The following LBHD2 variants were observed in gnomAD, a reference collection of about 807,000 sequenced individuals.
LBHD2 encodes the protein LBH domain-containing protein 2.
At chr14:103,089,279 G>C (rs1386283816) in intron 3 of LBHD2, among the ~76,000 whole-genome samples, 2 of 152,166 alleles carry the variant, frequency 1.3e-5, no homozygotes, top group East Asian at 3.9e-4. Flanking sequence ...ACCTCAGCCT[G>C]TACTGGCCAG....
chr14:103,088,320 G>C (rs1369686248), intron 3 of LBHD2, 79 bp downstream of exon 3: 1 of 398,220 alleles, frequency 2.5e-6, no homozygotes, highest in East Asian at 3.6e-5. Flanking sequence ...TGCTTCCTGC[G>C]GCTCCAGCAA....
Position 103,086,008 on chromosome 14 carries a change from G to C in LBHD2, c.-5G>C. 1 of 398,700 alleles carries C rather than the reference G, an allele frequency of 2.5e-6. No homozygotes were observed. Among genetic ancestry groups the C allele is most frequent in the Non-Finnish European group, 4.4e-6 (1 of 226,130 alleles). The allele number at this position is 398,700 out of a possible 1,614,324, so 24.7% of individuals were successfully genotyped here. On this transcript the variant is annotated 5_prime_UTR_variant, in exon 2 of 4. Transcript: ENST00000634353. ...GCAGCTTAGTGGCGCAGTGGCGGCA[G>C]CAGCATGAGCACCCCCCGGCCTGCT... is the stretch of plus-strand genomic sequence containing the variant.
rs530912298 is a variant in LBHD2 at position 103,088,078 on chromosome 14, C to T, written c.70-7C>T. 3 of 398,842 alleles carry T rather than the reference C, an allele frequency of 7.5e-6. No individual in the cohort carries two copies. In the East Asian group the frequency reaches 1.1e-4, roughly 14 times the overall value. 24.7% of individuals were successfully genotyped at this position (398,842 alleles called of 1,614,324 possible). On this transcript the variant is annotated splice_region_variant and splice_polypyrimidine_tract_variant and intron_variant, in intron 2 of 3. Coordinates refer to ENST00000634353, the MANE Select transcript of LBHD2 (RefSeq NM_001330236.2). ...CATGGCCATGATCCTGCCCATCCTC[C>T]TTGCAGGCTGTGGCAGGTGCCTGGG...
At chr14:103,086,185 C>G in intron 2 of LBHD2, 104 bp downstream of exon 2, 1 of 398,102 alleles carries the variant, frequency 2.5e-6, no homozygotes, top group Non-Finnish European at 4.4e-6. Context: ...GTTTACCCAT[C>G]TGGGTGGGGG....
chr14:103,088,696 T>C (rs552515352), intron 3 of LBHD2, among the ~76,000 whole-genome samples: 1 of 152,298 alleles, frequency 6.6e-6, no homozygotes, highest in South Asian at 2.1e-4. Context: ...GGTGCCCTGT[T>C]TAAAGGCTGA....
intron 1 of LBHD2, among the ~76,000 whole-genome samples, chr14:103,084,643 G>C (rs553831100): frequency 6.6e-6 from 1 of 152,108 alleles, no homozygotes; most frequent in Admixed American, 6.5e-5. Flanking sequence ...CCTGGCTCAA[G>C]CTGACAGCTC....
chr14:103,086,135 C>G (rs1260668659), intron 2 of LBHD2, 54 bp downstream of exon 2: 1 of 398,476 alleles, frequency 2.5e-6, no homozygotes, highest in Admixed American at 4.4e-5. Context: ...CAAACTCTGT[C>G]CCATGACTTG....
chr14:103,084,466 CCT>C (rs1253439552), intron 1 of LBHD2, 119 bp downstream of exon 1: 2 of 152,394 alleles, frequency 1.3e-5, no homozygotes, highest in Admixed American at 6.5e-5. Context: ...GAACGCCATG[CCT>C]CCGCGCGCTT....
rs1014957208 is a variant in LBHD2 at position 103,089,766 on chromosome 14, C to T, written c.296C>T (p.Ser99Phe). Residue 99 changes from serine to phenylalanine, a missense_variant, in exon 4 of 4, where the codon TCC (serine) becomes TTC (phenylalanine). Physicochemically the swap from Ser to Phe is radical, Grantham distance 155. Transcript: ENST00000634353. ...AACGCTGGCAGCGAGTGTGCCTGCT[C>T]CGAGGACCCAGCAGCCCCGGCCCGG... The part of the protein sequence containing the change: ...ADNAGSECAC[S>F]EDPAAPARG 5 of 398,558 alleles carry T rather than the reference C, an allele frequency of 1.3e-5. No homozygotes were observed. Among genetic ancestry groups the T allele is most frequent in the African/African-American group, 1.0e-4 (5 of 48,638 alleles). 24.7% of individuals were successfully genotyped at this position (398,558 alleles called of 1,614,324 possible). A position where few individuals can be genotyped will look rare whatever the true frequency, so the allele number is the denominator to read the frequency against.
intron 2 of LBHD2, among the ~76,000 whole-genome samples, chr14:103,086,994 G>A (rs529182962): frequency 2.0e-5 from 3 of 152,220 alleles, no homozygotes; most frequent in South Asian, 4.1e-4. Flanking sequence ...CTTGGTTGGG[G>A]GCAGGAAGGA....
chr14:103,089,535 C>T (rs1889682437), intron 3 of LBHD2, among the ~76,000 whole-genome samples, 162 bp from the exon 4 acceptor site: 1 of 152,216 alleles, frequency 6.6e-6, no homozygotes, highest in Non-Finnish European at 1.5e-5. Flanking sequence ...CAGCCTCATT[C>T]TGCCTCCCTG....
At chr14:103,086,540 A>T (rs1889636217) in intron 2 of LBHD2, among the ~76,000 whole-genome samples, 1 of 152,094 alleles carries the variant, frequency 6.6e-6, no homozygotes, top group East Asian at 1.9e-4. Flanking sequence ...TATAATGGAT[A>T]AAAAAAATTG....
rs866093942 is a variant in LBHD2, at chr14:103,089,879, G to C, written c.*82G>C. The C allele has an allele frequency of 1.3e-5, 5 of 397,870 alleles. No individual in the cohort carries two copies. The highest frequency in any genetic ancestry group is 4.4e-5 in the Admixed American group (1 of 22,698). 24.6% of individuals were successfully genotyped at this position (397,870 alleles called of 1,614,324 possible). ...GGCCGGGCTGATGCACAGGAGGGCCGGGCCTGCCCAGCCTGGAAAGCCCAG... is the reference window on the plus strand; with the variant it reads ...GGCCGGGCTGATGCACAGGAGGGCCCGGCCTGCCCAGCCTGGAAAGCCCAG... On this transcript the variant is annotated 3_prime_UTR_variant, in exon 4 of 4. Coordinates refer to ENST00000634353, the MANE Select transcript of LBHD2 (RefSeq NM_001330236.2).
chr14:103,087,511 C>G (rs939163197), intron 2 of LBHD2, among the ~76,000 whole-genome samples: 1 of 152,228 alleles, frequency 6.6e-6, no homozygotes, highest in Non-Finnish European at 1.5e-5. Context: ...GCCTCAAAGA[C>G]CTTGAACGGG....
At chr14:103,087,569 G>A (rs1238174157) in intron 2 of LBHD2, among the ~76,000 whole-genome samples, 4 of 152,164 alleles carry the variant, frequency 2.6e-5, no homozygotes, top group Non-Finnish European at 2.9e-5. Flanking sequence ...CGCAGCCCCC[G>A]CAGGCTCCTG....
intron 1 of LBHD2, among the ~76,000 whole-genome samples, chr14:103,084,869 G>A (rs1019324709): frequency 1.3e-5 from 2 of 152,146 alleles, no homozygotes; most frequent in Admixed American, 1.3e-4. Flanking sequence ...TGAGTTCTGG[G>A]GTCCTGGGAT....
At chr14:103,086,873 GAC>G (rs1334927989) in intron 2 of LBHD2, among the ~76,000 whole-genome samples, 1 of 152,242 alleles carries the variant, frequency 6.6e-6, no homozygotes, top group East Asian at 1.9e-4. Flanking sequence ...TGGGGTTGCA[GAC>G]ACAGCCTCCC....
Position 103,088,102 on chromosome 14 carries a change from G to A in LBHD2, c.87G>A (p.Trp29Ter), listed in dbSNP as rs1285085424. 2.5e-6 allele frequency: 1 copy of A among 398,696 alleles called. No individual in the cohort carries two copies. The highest frequency in any genetic ancestry group is 4.4e-6 in the Non-Finnish European group (1 of 226,232). The allele number at this position is 398,696 out of a possible 1,614,324, so 24.7% of individuals were successfully genotyped here. The change falls in exon 3 of 4, where the codon TGG (tryptophan) becomes TGA (stop). Residue 29 changes from tryptophan (W) to a stop codon, truncating the protein, a stop_gained. Coordinates refer to ENST00000634353, the MANE Select transcript of LBHD2 (RefSeq NM_001330236.2). LOFTEE classifies it high-confidence loss of function. The stretch of plus-strand genomic sequence containing the variant: ...CCTTGCAGGCTGTGGCAGGTGCCTG[G>A]GAGAAGGGCCCTCGGCTGGGCCAGC... ...GPEGKAVAGA[W>*]EKGPRLGQRL... is the part of the protein sequence containing the mutation.
chr14:103,085,709 AG>A (rs1361925797), intron 1 of LBHD2, among the ~76,000 whole-genome samples: 1 of 152,148 alleles, frequency 6.6e-6, no homozygotes. Flanking sequence ...CTCACCTCTC[AG>A]GCCTCAGATC....
Sources: gnomAD v4.1 joint callset for allele counts (sites outside exome capture counted in the v4.1 genomes callset) on GRCh38, gnomAD v4.1.1 for gene constraint, MANE v1.5 for transcripts, NCBI Gene and HGNC (gene_info 2026-07-23, HGNC 2026-07-21) for gene names.